The following PHF21B variants were observed in gnomAD, a reference collection of about 807,000 sequenced individuals.
PHF21B encodes the protein PHD finger protein 4.
A neutral mutation model predicts 62.2 loss-of-function variants in PHF21B; 22 were observed. That is an observed-to-expected ratio of 0.35 (90% CI 0.25 to 0.51). PHF21B has a LOEUF of 0.51. Among genes scored for constraint, PHF21B ranks in the 20% least tolerant of loss-of-function variants. The pLI, the probability that PHF21B is intolerant of heterozygous loss-of-function variation, is 0.97. For missense variants in PHF21B, 701 were observed against 707.9 expected, an observed-to-expected ratio of 0.99 and a Z score of 0.11; for synonymous variants, 341 against 314.7, an observed-to-expected ratio of 1.08 and a Z score of -0.88.
chr22:44,975,305 G>A (rs1601666647), intron 2 of PHF21B, among the ~76,000 whole-genome samples: 2 of 152,146 alleles, frequency 1.3e-5, no homozygotes, highest in East Asian at 3.9e-4. Flanking sequence ...GCCTGGCCTT[G>A]GACTCCCCCT....
chr22:44,953,237 T>C (rs981033468), intron 2 of PHF21B, among the ~76,000 whole-genome samples: 2 of 152,192 alleles, frequency 1.3e-5, no homozygotes, highest in African/African-American at 2.4e-5. Flanking sequence ...CTGGGCAGGA[T>C]GCACTAGCGA....
Position 44,885,407 on chromosome 22 carries a change from C to A in PHF21B, c.1377+19G>T. On this transcript the variant is annotated intron_variant, in intron 12 of 12. Transcript: ENST00000313237. ...ACCTGCAGGGCTGAGGCCAGCCTCC[C>A]CCAGGCCCCGGGGCACACCTGCACT... is the stretch of plus-strand genomic sequence containing the variant. 1 of 1,556,292 alleles carries A rather than the reference C, an allele frequency of 6.4e-7. No homozygotes were observed. The highest frequency in any genetic ancestry group is 1.2e-5 in the South Asian group (1 of 85,114).
intron 2 of PHF21B, among the ~76,000 whole-genome samples, chr22:44,963,932 A>G (rs1685578232): frequency 6.6e-6 from 1 of 152,234 alleles, no homozygotes; most frequent in African/African-American, 2.4e-5. Context: ...AATGAATCAA[A>G]GCCTGGCACA....
At chr22:44,926,332 C>T (rs963366768) in intron 2 of PHF21B, among the ~76,000 whole-genome samples, 1 of 152,236 alleles carries the variant, frequency 6.6e-6, no homozygotes, top group South Asian at 2.1e-4. Flanking sequence ...GAGGGGCAGG[C>T]CGTGGGGCCC....
At position 44,970,644 on chromosome 22, in the gene PHF21B, C is replaced by T. The variant is rs180900307; in HGVS notation, c.120+37901G>A. 2.6e-5 allele frequency among the ~76,000 whole-genome samples: 4 copies of T among 152,274 alleles called. No individual in the cohort carries two copies. The East Asian group carries it at 5.8e-4, about 22-fold the overall frequency. On this transcript the variant is annotated intron_variant, in intron 2 of 12. Transcript: ENST00000313237. Reference sequence around the variant, plus strand: ...CCTGGGTTCAGGGTCAAGGTGGGTCCGTGTGGTCAAAGCTCGCCGAACTGC... The same window carrying T: ...CCTGGGTTCAGGGTCAAGGTGGGTCTGTGTGGTCAAAGCTCGCCGAACTGC...
In PHF21B at chr22:44,894,841, G is replaced by A. The variant is rs543352364; in HGVS notation, c.883+1191C>T. On this transcript the variant is annotated intron_variant, in intron 6 of 12. Coordinates refer to ENST00000313237, the MANE Select transcript of PHF21B (RefSeq NM_138415.5). Reference sequence around the variant, plus strand: ...GCCTGCATGGCAGGCTGCTGTCCCCGCGCGCTGGGCTCTGCTGAGCTCAGG... The same window carrying A: ...GCCTGCATGGCAGGCTGCTGTCCCCACGCGCTGGGCTCTGCTGAGCTCAGG... 3.9e-5 allele frequency among the ~76,000 whole-genome samples: 6 copies of A among 152,262 alleles called. No individual in the cohort carries two copies. In the South Asian group the frequency reaches 6.2e-4, roughly 16 times the overall value.
chr22:44,916,390 T>C lies in PHF21B; in HGVS notation c.454A>G (p.Ile152Val). The C allele has an allele frequency of 1.3e-6, 2 of 1,590,436 alleles. No homozygotes were observed. Among genetic ancestry groups the C allele is most frequent in the Non-Finnish European group, 1.7e-6 (2 of 1,175,342 alleles). Residue 152 changes from isoleucine to valine, a missense_variant, in exon 4 of 13, where the codon ATC (isoleucine) becomes GTC (valine). By Grantham distance (29) the Ile-to-Val change is conservative. Transcript: ENST00000313237. ...GCATTGCTGGGGGAGGTGGAGATGA[T>C]GGCGTAGGCCACCCCCGCACTGCTC... Reference protein sequence around the residue: ...PLSSAGVAYAIISTSPSNAAA... With the variant: ...PLSSAGVAYAVISTSPSNAAA...
In PHF21B at chr22:44,886,263, C is replaced by T. The variant is rs138479761; in HGVS notation, c.1198-325G>A. ...GACCTGAGGGCAGCGACCCCAGGCA[C>T]GCCAGGGACAAATGGAGAGACTCGA... On this transcript the variant is annotated intron_variant, in intron 10 of 12. Coordinates refer to ENST00000313237, the MANE Select transcript of PHF21B (RefSeq NM_138415.5). 2.5e-3 allele frequency among the ~76,000 whole-genome samples: 377 copies of T among 152,054 alleles called. 6 individuals carry two copies. In the East Asian group the frequency reaches 0.042, roughly 17 times the overall value.
At chr22:44,897,825 T>A (rs1445755863) in intron 5 of PHF21B, among the ~76,000 whole-genome samples, 9 of 152,110 alleles carry the variant, frequency 5.9e-5, no homozygotes, top group African/African-American at 2.2e-4. Context: ...TTTTGTTTTT[T>A]AGAGACAGAG....
intron 8 of PHF21B, 148 bp from the exon 9 acceptor site, chr22:44,889,930 T>C: frequency 2.7e-6 from 2 of 745,850 alleles, no homozygotes; most frequent in South Asian, 2.8e-5. Context: ...ACCTGGGCTC[T>C]CACCCCAGGG....
chr22:44,998,588 G>C (rs767072497), intron 2 of PHF21B, among the ~76,000 whole-genome samples: 6 of 152,092 alleles, frequency 3.9e-5, no homozygotes, highest in Non-Finnish European at 8.8e-5. Context: ...CCAAGGCGGG[G>C]GACATGTCCC....
intron 2 of PHF21B, among the ~76,000 whole-genome samples, chr22:44,999,562 G>A (rs1647347762): frequency 6.6e-6 from 1 of 152,180 alleles, no homozygotes; most frequent in African/African-American, 2.4e-5. Flanking sequence ...CACCAGGACG[G>A]TTACTAACTT....
At chr22:44,986,269 G>C (rs1449158081) in intron 2 of PHF21B, among the ~76,000 whole-genome samples, 2 of 138,432 alleles carry the variant, frequency 1.4e-5, no homozygotes, top group East Asian at 4.5e-4. Context: ...ATCACCAGCA[G>C]CACCATCATG....
At chr22:44,897,364 C>T (rs965010357) in intron 5 of PHF21B, among the ~76,000 whole-genome samples, 3 of 152,072 alleles carry the variant, frequency 2.0e-5, no homozygotes, top group Non-Finnish European at 4.4e-5. Context: ...GAAAATACCA[C>T]GGGATTAGGT....
intron 2 of PHF21B, among the ~76,000 whole-genome samples, chr22:45,004,548 T>C (rs1230199866): frequency 1.3e-5 from 2 of 152,234 alleles, no homozygotes; most frequent in Non-Finnish European, 2.9e-5. Context: ...TGTATAATGA[T>C]ACTGTTTCAA....
intron 2 of PHF21B, among the ~76,000 whole-genome samples, chr22:44,955,188 C>T (rs1420740589): frequency 1.3e-5 from 2 of 152,182 alleles, no homozygotes; most frequent in Non-Finnish European, 2.9e-5. Context: ...CCACCAGCCC[C>T]ACTTGCAGAC....
At chr22:44,962,733 T>C (rs888054297) in intron 2 of PHF21B, among the ~76,000 whole-genome samples, 4 of 152,042 alleles carry the variant, frequency 2.6e-5, no homozygotes, top group South Asian at 2.1e-4. Flanking sequence ...CCAGGTACTA[T>C]ATGGACACAT....
intron 2 of PHF21B, among the ~76,000 whole-genome samples, chr22:44,965,512 G>C (rs950999339): frequency 2.7e-5 from 4 of 146,122 alleles, no homozygotes; most frequent in African/African-American, 1.0e-4. Flanking sequence ...TGTCAGTCCA[G>C]GTTCTCACCA....
At chr22:44,996,499 G>T (rs1178712326) in intron 2 of PHF21B, among the ~76,000 whole-genome samples, 1 of 151,806 alleles carries the variant, frequency 6.6e-6, no homozygotes, top group Non-Finnish European at 1.5e-5. Context: ...TCAATCTGTG[G>T]TCAACATTCT....
Sources: gnomAD v4.1 joint callset for allele counts (sites outside exome capture counted in the v4.1 genomes callset) on GRCh38, gnomAD v4.1.1 for gene constraint, MANE v1.5 for transcripts, NCBI Gene and HGNC (gene_info 2026-07-23, HGNC 2026-07-21) for gene names.